GIT2: variants seen among roughly 807,000 people sequenced by gnomAD.
GIT2 encodes the protein ARF GTPase-activating protein GIT2.
Under a neutral mutation model 100.3 loss-of-function variants are expected in GIT2, and 32 were observed. The observed-to-expected ratio is 0.32, with a 90% CI of 0.24 to 0.43. The LOEUF (loss-of-function observed/expected upper bound fraction) is 0.43, where lower values mean the gene tolerates loss of function less well. GIT2 is among the 20% of genes least tolerant of loss of function. GIT2 has a pLI of 1.00. For synonymous variants in GIT2, 353 were observed against 364.1 expected, an observed-to-expected ratio of 0.97 and a Z score of 0.35; for missense variants, 737 against 975.1, an observed-to-expected ratio of 0.76 and a Z score of 3.25.
rs1401017717 is a variant in GIT2 at position 109,952,473 on chromosome 12, C to T, written c.1242+619G>A. 62 of 518,792 alleles carry T rather than the reference C, an allele frequency of 1.2e-4. 1 individual carries two copies. Among genetic ancestry groups the T allele is most frequent in the South Asian group, 8.5e-4 (61 of 71,570 alleles). The allele number at this position is 518,792 out of a possible 1,614,324, so 32.1% of individuals were successfully genotyped here. On this transcript the variant is annotated intron_variant, in intron 13 of 19. Transcript: ENST00000355312. The stretch of plus-strand genomic sequence containing the variant: ...CAGACATGGCATCCTGGGCTCTGCA[C>T]TGCCTGTGAGGCCCACTCTCTTCCG...
chr12:109,960,030 G>A (rs1475396910), intron 11 of GIT2, 72 bp from the exon 12 acceptor site: 2 of 962,720 alleles, frequency 2.1e-6, no homozygotes, highest in Non-Finnish European at 3.3e-6. Flanking sequence ...CATAAAACTA[G>A]TCAGACTATT....
chr12:109,964,620 G>GAC (rs58007337), intron 9 of GIT2, among the ~76,000 whole-genome samples: 16,210 of 118,650 alleles, frequency 0.14, 1,410 homozygotes, highest in Middle Eastern at 0.17. Context: ...TTAATCTAAA[G>GAC]ACACACACAC....
rs1448298275 is a variant in GIT2, at chr12:109,989,040, T to C, written c.328A>G (p.Lys110Glu). 6.2e-7 allele frequency: 1 copy of C among 1,611,506 alleles called. No homozygotes were observed. The highest frequency in any genetic ancestry group is 8.5e-7 in the Non-Finnish European group (1 of 1,177,622). The change falls in exon 4 of 20, where the codon AAG (lysine) becomes GAG (glutamate). Residue 110 changes from lysine (K) to glutamate (E), a missense_variant. Lys to Glu is a moderately conservative substitution (Grantham distance 56). Transcript: ENST00000355312. ...HPNKAEFIRAKYQMLAFVHRL... is the reference protein window; with the variant it reads ...HPNKAEFIRAEYQMLAFVHRL... ...TGGACGAACGCTAACATCTGATACTTGGCTCTGATGAATTCCGCTTTATTG... is the reference window on the plus strand; with the variant it reads ...TGGACGAACGCTAACATCTGATACTCGGCTCTGATGAATTCCGCTTTATTG...
At position 109,948,185 on chromosome 12, in the gene GIT2, G is replaced by T; in HGVS notation, c.1393-681C>A. On this transcript the variant is annotated intron_variant, in intron 14 of 19. Transcript: ENST00000355312. This position sits in a 1 kb window ranked among gnomAD's most constrained non-coding sequence, Gnocchi z 4.3. ...TAAGTTTGCTATATTAACATATCAC[G>T]AAGAAAACTGGAAACCTATTGATCT... 1 of 981,804 alleles carries T rather than the reference G, an allele frequency of 1.0e-6. No homozygotes were observed. The highest frequency in any genetic ancestry group is 1.2e-6 in the Non-Finnish European group (1 of 826,884). The allele number at this position is 981,804 out of a possible 1,614,324, so 60.8% of individuals were successfully genotyped here.
At chr12:109,965,811 G>A (rs747873837) in intron 8 of GIT2, 46 of 658,952 alleles carry the variant, frequency 7.0e-5, no homozygotes, top group Non-Finnish European at 1.0e-4. Context: ...AAAAAAAATC[G>A]TCCACCAACT....
rs1886799637 is a variant in GIT2, at chr12:109,983,753, A to G, written c.406-59T>C. On this transcript the variant is annotated intron_variant, in intron 4 of 19. Transcript: ENST00000355312. ...TTAGAGGTGTAAAGAATGATGTCCT[A>G]GGGCAGCTGATAGACCATTTTAATA... 4.7e-6 allele frequency: 5 copies of G among 1,057,742 alleles called. No individual in the cohort carries two copies. In the South Asian group the frequency reaches 6.5e-5, roughly 14 times the overall value. The allele number at this position is 1,057,742 out of a possible 1,614,324, so 65.5% of individuals were successfully genotyped here.
chr12:109,950,066 G>T (rs1877412893), intron 14 of GIT2, among the ~76,000 whole-genome samples: 1 of 152,158 alleles, frequency 6.6e-6, no homozygotes. Context: ...GCTACTATAG[G>T]CATTAGAGCC....
In GIT2 at chr12:109,996,208, C is replaced by T. The variant is rs1312965247; in HGVS notation, c.17G>A (p.Arg6Gln). MSKRL[R>Q]SSEVCADCSG... The stretch of plus-strand genomic sequence containing the variant: ...GCAGTCAGCGCACACCTCGCTGCTC[C>T]GGAGCCGTTTCGACATGGCTCCCAC... The change falls in exon 1 of 20, where the codon CGG (arginine) becomes CAG (glutamine). Residue 6 changes from arginine to glutamine, a missense_variant. By Grantham distance (43) the Arg-to-Gln change is conservative (BLOSUM62 1). Transcript: ENST00000355312. 1.3e-5 allele frequency: 20 copies of T among 1,532,982 alleles called. No homozygotes were observed. The highest frequency in any genetic ancestry group is 1.6e-5 in the Non-Finnish European group (18 of 1,140,032). The allele number at this position is 1,532,982 out of a possible 1,614,324, so 95.0% of individuals were successfully genotyped here.
chr12:109,973,437 G>T (rs111862438), intron 7 of GIT2, among the ~76,000 whole-genome samples: 6,229 of 151,962 alleles, frequency 0.041, 198 homozygotes, highest in African/African-American at 0.091. Context: ...CATCGCGCCC[G>T]GTCTGCTTTG....
chr12:109,996,367 A>G lies in GIT2; in HGVS notation c.-143T>C. 1.8e-6 allele frequency: 1 copy of G among 570,836 alleles called. No individual in the cohort carries two copies. Among genetic ancestry groups the G allele is most frequent in the Non-Finnish European group, 3.0e-6 (1 of 330,522 alleles). The allele number at this position is 570,836 out of a possible 1,614,324, so 35.4% of individuals were successfully genotyped here. A position where few individuals can be genotyped will look rare whatever the true frequency, so the allele number is the denominator to read the frequency against. On this transcript the variant is annotated 5_prime_UTR_variant, in exon 1 of 20. Transcript: ENST00000355312. ...CCCCTCAGCGCCTTGCAGCCTTGGC[A>G]CAGCACGCACGCGCGGGGAGGTGCC...
At chr12:109,973,216 C>T (rs1231915983) in intron 7 of GIT2, among the ~76,000 whole-genome samples, 1 of 152,196 alleles carries the variant, frequency 6.6e-6, no homozygotes, top group Non-Finnish European at 1.5e-5. Flanking sequence ...TCTCAGCTCA[C>T]TGCAACCTCT....
intron 7 of GIT2, among the ~76,000 whole-genome samples, chr12:109,972,425 C>T (rs1884112865): frequency 6.6e-6 from 1 of 151,756 alleles, no homozygotes; most frequent in African/African-American, 2.4e-5. Context: ...GATATGATTA[C>T]ATAGTTTTTC....
intron 1 of GIT2, among the ~76,000 whole-genome samples, chr12:109,993,975 A>G (rs1165077183): frequency 1.3e-5 from 2 of 151,772 alleles, no homozygotes; most frequent in Admixed American, 6.6e-5. Context: ...CTATTACTGT[A>G]TCATCCTAAA....
chr12:109,934,457 A>G lies in GIT2; in HGVS notation c.2004-372T>C, dbSNP rs1230085157. Among the ~76,000 whole-genome samples, 1 of 152,264 alleles carries G rather than the reference A, an allele frequency of 6.6e-6. No homozygotes were observed. Among genetic ancestry groups the G allele is most frequent in the African/African-American group, 2.4e-5 (1 of 41,474 alleles). On this transcript the variant is annotated intron_variant, in intron 18 of 19. Coordinates refer to ENST00000355312, the MANE Select transcript of GIT2 (RefSeq NM_057169.5). This position sits in a 1 kb window ranked among gnomAD's most constrained non-coding sequence, Gnocchi z 4.5. ...TTCCATGCAAAAGGCCACAGAAGTG[A>G]AAAATAAAGGACTGAAAAAATTCCT...
rs1389806192 is a variant in GIT2, at chr12:109,930,094, T to C, written c.*2884A>G. The stretch of plus-strand genomic sequence containing the variant: ...AAAAACAGGCGAGTTTTGCTCTTGG[T>C]TCTGCAACTGAATCACTTGAGAAGC... On this transcript the variant is annotated 3_prime_UTR_variant, in exon 20 of 20. Transcript: ENST00000355312. The C allele has an allele frequency of 6.6e-6, 1 of 152,636 alleles. No homozygotes were observed. The highest frequency in any genetic ancestry group is 1.5e-5 in the Non-Finnish European group (1 of 68,042). 9.5% of individuals were successfully genotyped at this position (152,636 alleles called of 1,614,324 possible). A position where few individuals can be genotyped will look rare whatever the true frequency, so the allele number is the denominator to read the frequency against.
chr12:109,949,792 T>C (rs1010908592), intron 14 of GIT2, among the ~76,000 whole-genome samples: 6 of 152,246 alleles, frequency 3.9e-5, no homozygotes, highest in South Asian at 4.1e-4. Context: ...GTGCAGCAGA[T>C]TGATTTACAG....
Position 109,947,439 on chromosome 12 carries a change from C to A in GIT2, c.1458G>T (p.Val486=). 6.2e-7 allele frequency: 1 copy of A among 1,613,598 alleles called. No individual in the cohort carries two copies. Residue 486 remains valine, a synonymous_variant, in exon 15 of 20, where the codon GTG becomes GTT. Transcript: ENST00000355312. The surrounding 1 kb of genome is among the most constrained non-coding windows in gnomAD (Gnocchi z 4.3). ...TGTCTGTGTACTCAGAACCAGTTTG[C>A]ACCTGATATACATTGGTTGTGGCCT... ...RKQATTNVYQ[V]QTGSEYTDTS... is the part of the protein sequence containing the mutation.
chr12:109,938,634 G>T, intron 17 of GIT2, 66 bp from the exon 18 acceptor site: 1 of 1,229,248 alleles, frequency 8.1e-7, no homozygotes, highest in Non-Finnish European at 1.1e-6. Context: ...GCTTCTAGGA[G>T]CCACTTTGTA....
intron 7 of GIT2, among the ~76,000 whole-genome samples, chr12:109,971,933 G>A (rs1027157940): frequency 1.3e-5 from 2 of 151,654 alleles, no homozygotes; most frequent in African/African-American, 4.8e-5. Flanking sequence ...GGCGGAGGTT[G>A]CAGTGAGCCG....
Sources: gnomAD v4.1 joint callset for allele counts (sites outside exome capture counted in the v4.1 genomes callset) on GRCh38, gnomAD v4.1.1 for gene constraint, Gnocchi (gnomAD v3.1) non-coding constraint, MANE v1.5 for transcripts, NCBI Gene and HGNC (gene_info 2026-07-23, HGNC 2026-07-21) for gene names.